C7orf78: variants seen among roughly 807,000 people sequenced by gnomAD.
C7orf78 encodes chromosome 7 open reading frame 78, also known as putative uncharacterized protein C7orf78.
At chr7:12,518,840 G>T in the C7orf78 span, among the ~76,000 whole-genome samples, 1 of 152,086 alleles carries the variant, frequency 6.6e-6, no homozygotes, top group Non-Finnish European at 1.5e-5. Flanking sequence ...CCTGCTGTTT[G>T]TATGGGTAGG....
the C7orf78 span, among the ~76,000 whole-genome samples, chr7:12,539,215 A>G: frequency 6.6e-6 from 1 of 152,162 alleles, no homozygotes; most frequent in East Asian, 1.9e-4. Context: ...CTGTAATCCA[A>G]TCACTTTGGG....
the C7orf78 span, among the ~76,000 whole-genome samples, chr7:12,501,637 G>A: frequency 3.8e-3 from 515 of 135,934 alleles, 15 homozygotes; most frequent in Admixed American, 0.037. Context: ...AATCAATATC[G>A]TGAAAATGGC....
the C7orf78 span, among the ~76,000 whole-genome samples, chr7:12,519,820 G>C: frequency 6.6e-6 from 1 of 152,170 alleles, no homozygotes; most frequent in East Asian, 1.9e-4. Flanking sequence ...GACACCAGGG[G>C]ATATAAACAG....
At chr7:12,484,995 A>T in the C7orf78 span, among the ~76,000 whole-genome samples, 1 of 152,108 alleles carries the variant, frequency 6.6e-6, no homozygotes, top group Non-Finnish European at 1.5e-5. Context: ...TTGCATTCTT[A>T]ATTTTTTCTT....
chr7:12,531,498 C>T, the C7orf78 span, among the ~76,000 whole-genome samples: 10 of 152,112 alleles, frequency 6.6e-5, no homozygotes, highest in African/African-American at 2.2e-4. Context: ...CTTAAATTTT[C>T]TGATCCTATT....
At chr7:12,541,993 T>G in the C7orf78 span, 1 of 152,206 alleles carries the variant, frequency 6.6e-6, no homozygotes, top group African/African-American at 2.4e-5. Flanking sequence ...AATTTTTGTT[T>G]AAATATTTTG....
the C7orf78 span, among the ~76,000 whole-genome samples, chr7:12,526,082 C>T: frequency 6.6e-6 from 1 of 152,108 alleles, no homozygotes; most frequent in Non-Finnish European, 1.5e-5. Flanking sequence ...TCTACCACAA[C>T]TGTTACTATA....
chr7:12,487,710 G>C, the C7orf78 span, among the ~76,000 whole-genome samples: 1 of 152,026 alleles, frequency 6.6e-6, no homozygotes, highest in African/African-American at 2.4e-5. Context: ...AGCAAAGCCA[G>C]CGTAGCGGAA....
chr7:12,509,189 T>C, the C7orf78 span, among the ~76,000 whole-genome samples: 1 of 152,240 alleles, frequency 6.6e-6, no homozygotes, highest in Non-Finnish European at 1.5e-5. Flanking sequence ...CTTTTCAATA[T>C]GTAGGATATT....
the C7orf78 span, among the ~76,000 whole-genome samples, chr7:12,526,810 C>G: frequency 1.3e-5 from 2 of 151,456 alleles, no homozygotes; most frequent in African/African-American, 4.9e-5. Context: ...ATGTGTCACT[C>G]ACTTTCGTAG....
At chr7:12,500,907 G>T in the C7orf78 span, among the ~76,000 whole-genome samples, 2 of 148,092 alleles carry the variant, frequency 1.4e-5, no homozygotes, top group African/African-American at 5.1e-5. Context: ...TCATCCCTGG[G>T]ATGCAAGGCT....
the C7orf78 span, among the ~76,000 whole-genome samples, chr7:12,498,427 C>A: frequency 1.3e-5 from 2 of 150,542 alleles, no homozygotes; most frequent in African/African-American, 2.4e-5. Context: ...TCGAGAACTA[C>A]GTGAAGAATG....
At chr7:12,534,350 G>A in the C7orf78 span, among the ~76,000 whole-genome samples, 1 of 152,132 alleles carries the variant, frequency 6.6e-6, no homozygotes, top group Non-Finnish European at 1.5e-5. Context: ...GCATAAAGAA[G>A]TAAATTCATG....
chr7:12,522,350 A>G, the C7orf78 span, among the ~76,000 whole-genome samples: 1 of 152,116 alleles, frequency 6.6e-6, no homozygotes, highest in Non-Finnish European at 1.5e-5. Flanking sequence ...GAAGTGTAAT[A>G]ATGATTTCCA....
chr7:12,486,371 A>G, the C7orf78 span, among the ~76,000 whole-genome samples: 1 of 151,896 alleles, frequency 6.6e-6, no homozygotes, highest in Non-Finnish European at 1.5e-5. Context: ...CACACTATTC[A>G]TTCAACAATA....
chr7:12,502,196 C>T, the C7orf78 span, among the ~76,000 whole-genome samples: 2 of 95,710 alleles, frequency 2.1e-5, no homozygotes, highest in African/African-American at 7.3e-5. Flanking sequence ...TCTAAAACAC[C>T]AAAAGCAATG....
At chr7:12,492,200 C>T in the C7orf78 span, among the ~76,000 whole-genome samples, 1 of 151,848 alleles carries the variant, frequency 6.6e-6, no homozygotes, top group Non-Finnish European at 1.5e-5. Flanking sequence ...AAAACTACTG[C>T]GATGGTAATA....
chr7:12,493,046 C>T, the C7orf78 span, among the ~76,000 whole-genome samples: 127,648 of 152,086 alleles, frequency 0.84, 53,956 homozygotes, highest in African/African-American at 0.95. Flanking sequence ...CTACAAAAAA[C>T]ACAAAAACTA....
the C7orf78 span, among the ~76,000 whole-genome samples, chr7:12,501,559 C>T: frequency 5.6e-5 from 8 of 142,176 alleles, 1 homozygote; most frequent in South Asian, 1.9e-3. Flanking sequence ...GAACTACAAA[C>T]CACTGCTCAA....
Sources: allele counts gnomAD v4.1 joint callset (sites outside exome capture counted in the v4.1 genomes callset), GRCh38; gene constraint gnomAD v4.1.1; transcripts MANE v1.5; gene names NCBI Gene and HGNC (gene_info 2026-07-23, HGNC 2026-07-21).